Variants in ZNF516 observed in about 807,000 individuals in gnomAD.
The protein encoded by ZNF516 is zinc finger protein 516.
ZNF516 carries 19 observed loss-of-function variants against 79.7 expected under a neutral mutation model. The ratio of observed to expected loss-of-function variants is 0.24; its 90% CI spans 0.17 to 0.35. ZNF516 has a LOEUF of 0.35. Among genes scored for constraint, ZNF516 ranks in the 10% least tolerant of loss-of-function variants. ZNF516 has a pLI of 1.00. For synonymous variants in ZNF516, 877 were observed against 739.5 expected (o/e 1.19, Z -3.02); for missense variants, 1,678 against 1,679.5 (o/e 1.00, Z 0.02).
intron 4 of ZNF516, among the ~76,000 whole-genome samples, chr18:76,375,917 G>A (rs1009096292): frequency 5.3e-5 from 8 of 151,624 alleles, no homozygotes; most frequent in African/African-American, 1.9e-4. Context: ...GGATGGGAAG[G>A]CCCAAGAGAC....
At chr18:76,408,942 C>T (rs1357366301) in intron 3 of ZNF516, among the ~76,000 whole-genome samples, 1 of 152,190 alleles carries the variant, frequency 6.6e-6, no homozygotes, top group Non-Finnish European at 1.5e-5. Context: ...GTTCCGCCCC[C>T]ACTCAGAAGC....
At chr18:76,437,852 T>C (rs1415615839) in intron 3 of ZNF516, among the ~76,000 whole-genome samples, 1 of 152,214 alleles carries the variant, frequency 6.6e-6, no homozygotes, top group African/African-American at 2.4e-5. Context: ...GTTGCTTGAA[T>C]CCAAAGATGT....
chr18:76,468,844 T>A (rs1913655651), intron 1 of ZNF516, among the ~76,000 whole-genome samples: 1 of 152,180 alleles, frequency 6.6e-6, no homozygotes, highest in African/African-American at 2.4e-5. Context: ...TGCTGAGCCA[T>A]CTTCCCCATC....
At chr18:76,374,185 T>C (rs1453820897) in intron 4 of ZNF516, among the ~76,000 whole-genome samples, 4 of 152,242 alleles carry the variant, frequency 2.6e-5, no homozygotes, top group Non-Finnish European at 5.9e-5. Context: ...TAGGTCCCAA[T>C]AAGAAATACC....
At chr18:76,432,731 A>G (rs1234081545) in intron 3 of ZNF516, among the ~76,000 whole-genome samples, 2 of 152,190 alleles carry the variant, frequency 1.3e-5, no homozygotes, top group Non-Finnish European at 2.9e-5. Context: ...TGGCCTGACC[A>G]ACCTCTCTCT....
At chr18:76,407,168 C>T (rs1482028637) in intron 3 of ZNF516, among the ~76,000 whole-genome samples, 1 of 152,112 alleles carries the variant, frequency 6.6e-6, no homozygotes, top group Non-Finnish European at 1.5e-5. Flanking sequence ...CATCTCAACA[C>T]TCTGGAAGGC....
In ZNF516 at chr18:76,450,108, T is replaced by G. The variant is rs566120109; in HGVS notation, c.-157-6897A>C. On this transcript the variant is annotated intron_variant, in intron 2 of 6. Coordinates refer to ENST00000443185, the MANE Select transcript of ZNF516 (RefSeq NM_014643.4). ...GAGATGTGTAATGAAATATTTAGAG[T>G]TGGTTTTTACCAAAGAGAAAGAGAG... Among the ~76,000 whole-genome samples, 5 of 144,716 alleles carry G rather than the reference T, an allele frequency of 3.5e-5. No homozygotes were observed. In the East Asian group the frequency reaches 1.0e-3, roughly 29 times the overall value. 94.9% of individuals were successfully genotyped at this position (144,716 alleles called of 152,430 possible).
intron 3 of ZNF516, among the ~76,000 whole-genome samples, chr18:76,410,066 T>C (rs1676089734): frequency 6.6e-6 from 1 of 152,178 alleles, no homozygotes; most frequent in Admixed American, 6.5e-5. Flanking sequence ...TCCACCATCA[T>C]TGTGAGGCCT....
intron 3 of ZNF516, among the ~76,000 whole-genome samples, chr18:76,426,939 G>A (rs535071278): frequency 9.2e-5 from 14 of 152,294 alleles, no homozygotes; most frequent in Non-Finnish European, 1.0e-4. Context: ...TCCTGGAACC[G>A]AGGCGGGGTC....
In ZNF516 at chr18:76,463,362, CAGG is replaced by C. The variant is rs1459377606; in HGVS notation, c.-271-224_-271-222del. Among the ~76,000 whole-genome samples the C allele has an allele frequency of 2.0e-5, 3 of 152,234 alleles. No individual in the cohort carries two copies. The East Asian group carries it at 5.8e-4, about 29-fold the overall frequency. ...CACATCTGTGAGGGGCAGCCAGGAG[CAGG>C]AGAAGCATTCAACAGTCACAGCACA... On this transcript the variant is annotated intron_variant, in intron 1 of 6. Coordinates refer to ENST00000443185, the MANE Select transcript of ZNF516 (RefSeq NM_014643.4).
At chr18:76,424,084 T>C (rs1409848659) in intron 3 of ZNF516, among the ~76,000 whole-genome samples, 19 of 48,916 alleles carry the variant, frequency 3.9e-4, no homozygotes, top group Admixed American at 7.5e-4. Context: ...TCCTGAAACA[T>C]ACACACGCAG....
In ZNF516 at chr18:76,443,037, C is replaced by G; in HGVS notation, c.18G>C (p.Glu6Asp). 1 of 1,592,494 alleles carries G rather than the reference C, an allele frequency of 6.3e-7. No homozygotes were observed. The highest frequency in any genetic ancestry group is 8.5e-7 in the Non-Finnish European group (1 of 1,175,128). Reference sequence around the variant, plus strand: ...GGCCTCGCCTCAGCTCCATCTCGGCCTCTCTGTTGCGATCCATCCGAAGGA... The same window carrying G: ...GGCCTCGCCTCAGCTCCATCTCGGCGTCTCTGTTGCGATCCATCCGAAGGA... MDRNREAEMELRRGPS... is the reference protein window; with the variant it reads MDRNRDAEMELRRGPS... The change falls in exon 3 of 7, where the codon GAG (glutamate) becomes GAC (aspartate). Residue 6 changes from glutamate (E) to aspartate (D), a missense_variant. Glu to Asp is a conservative substitution (Grantham distance 45, BLOSUM62 2). Transcript: ENST00000443185.
chr18:76,358,276 AT>A lies in ZNF516; in HGVS notation c.*4221del. 1 of 152,404 alleles carries A rather than the reference AT, an allele frequency of 6.6e-6. No homozygotes were observed. Among genetic ancestry groups the A allele is most frequent in the Admixed American group, 6.5e-5 (1 of 15,312 alleles). 9.4% of individuals were successfully genotyped at this position (152,404 alleles called of 1,614,324 possible). ...AATATTTTTATCACACAACTAAAAC[AT>A]TGAATTACTTTTTCAGAAATAGTTA... On this transcript the variant is annotated 3_prime_UTR_variant, in exon 7 of 7. Coordinates refer to ENST00000443185, the MANE Select transcript of ZNF516 (RefSeq NM_014643.4).
In ZNF516 at chr18:76,396,127, G is replaced by C. The variant is rs560616338; in HGVS notation, c.1811-15824C>G. Reference sequence around the variant, plus strand: ...GGGCTGACAGCAAATAGGATATTCAGGTCACTGGTTCTCCCATCCCCAGTA... The same window carrying C: ...GGGCTGACAGCAAATAGGATATTCACGTCACTGGTTCTCCCATCCCCAGTA... On this transcript the variant is annotated intron_variant, in intron 3 of 6. Coordinates refer to ENST00000443185, the MANE Select transcript of ZNF516 (RefSeq NM_014643.4). Among the ~76,000 whole-genome samples the C allele has an allele frequency of 5.2e-4, 79 of 152,302 alleles. 1 individual carries two copies. In the South Asian group the frequency reaches 8.9e-3, roughly 17 times the overall value.
intron 2 of ZNF516, among the ~76,000 whole-genome samples, chr18:76,462,724 C>A (rs965507028): frequency 6.6e-6 from 1 of 152,176 alleles, no homozygotes; most frequent in Non-Finnish European, 1.5e-5. Context: ...GGAATGGACC[C>A]CCCACCCCAG....
intron 3 of ZNF516, among the ~76,000 whole-genome samples, chr18:76,418,688 G>A (rs911061547): frequency 1.3e-5 from 2 of 152,044 alleles, no homozygotes; most frequent in African/African-American, 4.8e-5. Flanking sequence ...AAAAGAAAGT[G>A]GAAACAATCC....
At chr18:76,397,008 A>G (rs569460891) in intron 3 of ZNF516, among the ~76,000 whole-genome samples, 3 of 152,370 alleles carry the variant, frequency 2.0e-5, no homozygotes, top group South Asian at 4.1e-4. Flanking sequence ...ACACAAAAAA[A>G]TAACCCAGAC....
intron 3 of ZNF516, among the ~76,000 whole-genome samples, chr18:76,400,246 T>C (rs888003082): frequency 2.6e-5 from 4 of 152,194 alleles, no homozygotes; most frequent in East Asian, 1.9e-4. Context: ...AGGCCAGAGA[T>C]GAACACAGGA....
intron 1 of ZNF516, among the ~76,000 whole-genome samples, chr18:76,470,767 C>A (rs1913781893): frequency 6.6e-6 from 1 of 152,194 alleles, no homozygotes; most frequent in Non-Finnish European, 1.5e-5. Flanking sequence ...GTAATCCCAG[C>A]ACTTTGGGAG....
Sources: gnomAD v4.1 joint callset for allele counts (sites outside exome capture counted in the v4.1 genomes callset) on GRCh38, gnomAD v4.1.1 for gene constraint, MANE v1.5 for transcripts, NCBI Gene and HGNC (gene_info 2026-07-23, HGNC 2026-07-21) for gene names.